The following DCDC1 variants were observed in gnomAD, a reference collection of about 807,000 sequenced individuals.
The protein encoded by DCDC1 is doublecortin domain-containing protein 1.
DCDC1 carries 200 observed loss-of-function variants against 178.3 expected under a neutral mutation model. The observed-to-expected ratio is 1.12, with a 90% CI of 1.00 to 1.26. DCDC1 has a LOEUF of 1.26. Ranked by LOEUF, DCDC1 falls within the 50% of genes most tolerant of loss-of-function variation. DCDC1 has a pLI of 0.00. For missense variants in DCDC1, 1,983 were observed against 1,749.2 expected, an observed-to-expected ratio of 1.13 and a Z score of -2.38; for synonymous variants, 690 against 604.8, an observed-to-expected ratio of 1.14 and a Z score of -2.07.
intron 9 of DCDC1, among the ~76,000 whole-genome samples, chr11:31,169,030 A>C (rs1966884033): frequency 6.6e-6 from 1 of 152,204 alleles, no homozygotes; most frequent in Non-Finnish European, 1.5e-5. Flanking sequence ...TGGTACATAT[A>C]CACCGTGGAA....
intron 18 of DCDC1, among the ~76,000 whole-genome samples, chr11:31,075,558 T>C (rs1191424134): frequency 6.6e-6 from 1 of 152,218 alleles, no homozygotes; most frequent in African/African-American, 2.4e-5. Context: ...AGTCAATATC[T>C]GTTATTTTTG....
At chr11:31,150,565 T>G (rs905363941) in intron 9 of DCDC1, among the ~76,000 whole-genome samples, 1 of 152,172 alleles carries the variant, frequency 6.6e-6, no homozygotes, top group Non-Finnish European at 1.5e-5. Context: ...CAACTAAATT[T>G]TCTACAATAT....
At chr11:31,136,962 A>G (rs1963208037) in intron 10 of DCDC1, among the ~76,000 whole-genome samples, 1 of 152,204 alleles carries the variant, frequency 6.6e-6, no homozygotes, top group East Asian at 1.9e-4. Context: ...TTGATAAAAA[A>G]TAACTTTGTT....
chr11:31,247,793 T>C (rs1202205201), intron 8 of DCDC1, among the ~76,000 whole-genome samples: 2 of 152,094 alleles, frequency 1.3e-5, no homozygotes, highest in Non-Finnish European at 2.9e-5. Context: ...GCTGGGATTC[T>C]ATTGTCTGAT....
chr11:31,205,178 A>G (rs1474252714), intron 9 of DCDC1, among the ~76,000 whole-genome samples: 2 of 152,180 alleles, frequency 1.3e-5, no homozygotes, highest in Non-Finnish European at 2.9e-5. Context: ...TGAACAAACT[A>G]CAACCTACAG....
rs766866634 is a variant in DCDC1, at chr11:30,908,973, C to G, written c.3891G>C (p.Val1297=). 1 of 1,603,974 alleles carries G rather than the reference C, an allele frequency of 6.2e-7. No homozygotes were observed. Among genetic ancestry groups the G allele is most frequent in the Non-Finnish European group, 8.5e-7 (1 of 1,174,516 alleles). The change falls in exon 29 of 39, where the codon GTG becomes GTC. Residue 1297 remains valine (V), a synonymous_variant. Transcript: ENST00000684477. ...ANYAGVCTSS[V]IKEENIDQPG... The stretch of plus-strand genomic sequence containing the variant: ...GTTGATCAATGTTTTCTTCTTTAAT[C>G]ACAGATGATGTACAGACACCAGCAT...
In DCDC1 at chr11:31,154,010, G is replaced by A. The variant is rs1235743306; in HGVS notation, c.1222-16226C>T. ...TTGGGGGAGGGACCTGGTGGGAGGC[G>A]ATTAGATCATGGGGGCAGATTTCTC... is the stretch of plus-strand genomic sequence containing the variant. On this transcript the variant is annotated intron_variant, in intron 9 of 38. Coordinates refer to ENST00000684477, the MANE Select transcript of DCDC1 (RefSeq NM_001387274.1). 2.6e-5 allele frequency among the ~76,000 whole-genome samples: 4 copies of A among 152,150 alleles called. No homozygotes were observed. In the East Asian group the frequency reaches 5.8e-4, roughly 22 times the overall value.
At chr11:31,360,013 C>T (rs1376975872) in intron 1 of DCDC1, among the ~76,000 whole-genome samples, 3 of 152,112 alleles carry the variant, frequency 2.0e-5, no homozygotes, top group South Asian at 4.1e-4. Context: ...CAAATGAAAA[C>T]ATACGCAATA....
chr11:31,180,938 G>C (rs371891613), intron 9 of DCDC1, among the ~76,000 whole-genome samples: 3 of 152,000 alleles, frequency 2.0e-5, no homozygotes, highest in South Asian at 2.1e-4. Context: ...CCACCGCCAC[G>C]GAGCCCAGCA....
intron 23 of DCDC1, among the ~76,000 whole-genome samples, chr11:30,923,248 T>C (rs1320116528): frequency 1.3e-5 from 2 of 152,144 alleles, no homozygotes; most frequent in Non-Finnish European, 1.5e-5. Context: ...GCAGGCACCA[T>C]ATGGCCCACA....
chr11:30,931,686 C>A, intron 22 of DCDC1, 85 bp downstream of exon 22: 1 of 1,351,966 alleles, frequency 7.4e-7, no homozygotes, highest in Non-Finnish European at 9.8e-7. Context: ...TACAGAATTC[C>A]CACAGAAAAA....
Position 31,332,451 on chromosome 11 carries a change from G to T in DCDC1, c.-7+2996C>A, listed in dbSNP as rs374982751. On this transcript the variant is annotated intron_variant, in intron 2 of 38. Transcript: ENST00000684477. The stretch of plus-strand genomic sequence containing the variant: ...GAATTTGTTTGCTCTTGCTTCTCTA[G>T]TTCTTTTAATTGTGATGTTAGGGTG... 7.2e-5 allele frequency among the ~76,000 whole-genome samples: 11 copies of T among 152,186 alleles called. No individual in the cohort carries two copies. The East Asian group carries it at 1.5e-3, about 21-fold the overall frequency.
intron 9 of DCDC1, among the ~76,000 whole-genome samples, chr11:31,174,025 T>A (rs899231354): frequency 6.6e-6 from 1 of 152,102 alleles, no homozygotes. Context: ...TACACCCTTC[T>A]GAGTTTTCAG....
rs747919351 is a variant in DCDC1 at position 30,905,039 on chromosome 11, C to A, written c.4230G>T (p.Lys1410Asn). ...TTTTGTATGCAATTATTTTCACTGC[C>A]TTCTGGTGTGTGGCTGCCATGCCAC... ...SHSGMAATHQKAVKIIAYKNG... is the reference protein window; with the variant it reads ...SHSGMAATHQNAVKIIAYKNG... Residue 1410 changes from lysine to asparagine, a missense_variant, in exon 31 of 39, where the codon AAG becomes AAT. Physicochemically the swap from Lys to Asn is moderately conservative, Grantham distance 94. Transcript: ENST00000684477. 6.2e-7 allele frequency: 1 copy of A among 1,613,860 alleles called. No homozygotes were observed. Among genetic ancestry groups the A allele is most frequent in the African/African-American group, 1.3e-5 (1 of 75,024 alleles).
intron 9 of DCDC1, among the ~76,000 whole-genome samples, chr11:31,184,853 G>C (rs1448660485): frequency 6.6e-6 from 1 of 151,366 alleles, no homozygotes. Flanking sequence ...GTGGAAGACA[G>C]ATCCTCAAGG....
chr11:31,100,966 C>A (rs1217428337), intron 15 of DCDC1, among the ~76,000 whole-genome samples: 1 of 152,134 alleles, frequency 6.6e-6, no homozygotes, highest in Non-Finnish European at 1.5e-5. Flanking sequence ...TATATTTTCT[C>A]AAAACCCGGC....
chr11:31,081,072 G>T (rs931667078), intron 17 of DCDC1, among the ~76,000 whole-genome samples: 2 of 152,138 alleles, frequency 1.3e-5, no homozygotes, highest in African/African-American at 4.8e-5. Context: ...CACCAAGCTG[G>T]CAACTGTGTG....
chr11:31,132,731 C>T (rs1229965170), intron 10 of DCDC1, among the ~76,000 whole-genome samples: 3 of 152,098 alleles, frequency 2.0e-5, no homozygotes, highest in African/African-American at 7.2e-5. Context: ...AGAAGGCTTA[C>T]GTATGCATAT....
intron 8 of DCDC1, among the ~76,000 whole-genome samples, chr11:31,255,608 T>C (rs1444047577): frequency 6.6e-6 from 1 of 152,196 alleles, no homozygotes; most frequent in East Asian, 1.9e-4. Context: ...CATGTGCTTG[T>C]TGCCATTTGT....
Sources: gnomAD v4.1 joint callset for allele counts (sites outside exome capture counted in the v4.1 genomes callset) on GRCh38, gnomAD v4.1.1 for gene constraint, MANE v1.5 for transcripts, NCBI Gene and HGNC (gene_info 2026-07-23, HGNC 2026-07-21) for gene names.